FMN1: variants seen among roughly 807,000 people sequenced by gnomAD.
FMN1 encodes formin-1.
FMN1 carries 110 observed loss-of-function variants against 132.4 expected under a neutral mutation model. The ratio of observed to expected loss-of-function variants is 0.83; its 90% CI spans 0.71 to 0.97. FMN1 has a LOEUF of 0.97. Among genes scored for constraint, FMN1 ranks in the 50% least tolerant of loss-of-function variants. FMN1 has a pLI of 0.00. For synonymous variants in FMN1, 722 were observed against 651.7 expected, an observed-to-expected ratio of 1.11 and a Z score of -1.64; for missense variants, 1,792 against 1,705.3, an observed-to-expected ratio of 1.05 and a Z score of -0.90.
chr15:32,865,100 A>G (rs1805498426), intron 16 of FMN1, among the ~76,000 whole-genome samples: 1 of 152,146 alleles, frequency 6.6e-6, no homozygotes, highest in African/African-American at 2.4e-5. Flanking sequence ...GGACTAGGAG[A>G]GAAAGAGGGA....
At chr15:33,161,083 A>G (rs1339298774) in intron 3 of FMN1, among the ~76,000 whole-genome samples, 1 of 152,240 alleles carries the variant, frequency 6.6e-6, no homozygotes, top group Non-Finnish European at 1.5e-5. Context: ...TTAAAAGGCC[A>G]ATGCAAAGCT....
chr15:32,964,285 A>C (rs558984186), intron 8 of FMN1, 28 bp from the exon 9 acceptor site: 2 of 1,514,792 alleles, frequency 1.3e-6, no homozygotes, highest in Admixed American at 1.9e-5. Flanking sequence ...CAAGTTAACC[A>C]TAAGAACCAA....
intron 9 of FMN1, among the ~76,000 whole-genome samples, chr15:32,931,554 G>GT (rs968992963): frequency 3.3e-5 from 5 of 152,138 alleles, no homozygotes; most frequent in Admixed American, 1.3e-4. Flanking sequence ...TTGGAATCCT[G>GT]TAAGTTTGCT....
At chr15:33,053,349 G>A (rs1566870308) in intron 6 of FMN1, among the ~76,000 whole-genome samples, 1 of 152,204 alleles carries the variant, frequency 6.6e-6, no homozygotes, top group African/African-American at 2.4e-5. Context: ...AACATGCCTG[G>A]TCTGGCAATG....
At chr15:32,933,545 A>T (rs1159027284) in intron 9 of FMN1, among the ~76,000 whole-genome samples, 1 of 152,118 alleles carries the variant, frequency 6.6e-6, no homozygotes, top group African/African-American at 2.4e-5. Context: ...ATCTTGTTAC[A>T]TCATTTATCA....
chr15:32,908,634 ACT>A (rs1183044403), intron 11 of FMN1, 56 bp from the exon 12 acceptor site: 44 of 1,099,682 alleles, frequency 4.0e-5, no homozygotes, highest in Admixed American at 1.8e-4. Flanking sequence ...GGGAAGTGAG[ACT>A]CTGGCTATGG....
rs2140122151 is a variant in FMN1, at chr15:33,110,589, T to C, written c.1868-21615A>G. On this transcript the variant is annotated intron_variant, in intron 4 of 20. Coordinates refer to ENST00000616417, the MANE Select transcript of FMN1 (RefSeq NM_001277313.2). ...TTGAGAATAGCTATTCTGTCATGCA[T>C]CTCAAATAATATCAGTAAAACACGT... 1.3e-5 allele frequency among the ~76,000 whole-genome samples: 2 copies of C among 152,002 alleles called. 1 individual carries two copies. Among genetic ancestry groups the C allele is most frequent in the Non-Finnish European group, 2.9e-5 (2 of 67,952 alleles).
intron 6 of FMN1, among the ~76,000 whole-genome samples, chr15:33,019,561 C>CTCA: frequency 6.6e-6 from 1 of 152,302 alleles, no homozygotes; most frequent in African/African-American, 2.4e-5. Context: ...GCTCTGGCAG[C>CTCA]GCAGAAGCCC....
intron 5 of FMN1, chr15:33,068,045 C>T: frequency 7.0e-7 from 1 of 1,432,398 alleles, no homozygotes; most frequent in Non-Finnish European, 9.1e-7. Flanking sequence ...TCTTTCGGGT[C>T]ACAGTGCCCT....
chr15:32,940,006 G>A (rs1440012605), intron 9 of FMN1, among the ~76,000 whole-genome samples: 1 of 152,094 alleles, frequency 6.6e-6, no homozygotes, highest in Non-Finnish European at 1.5e-5. Context: ...CACTCCTTAA[G>A]CTTCTGTTTG....
At chr15:33,089,135 C>T (rs937374711) in intron 4 of FMN1, among the ~76,000 whole-genome samples, 161 bp from the exon 5 acceptor site, 1 of 152,176 alleles carries the variant, frequency 6.6e-6, no homozygotes, top group Non-Finnish European at 1.5e-5. Flanking sequence ...AAGTATTTCT[C>T]CCGACAATTT....
intron 3 of FMN1, among the ~76,000 whole-genome samples, chr15:33,169,227 T>C (rs1336982797): frequency 6.6e-6 from 1 of 152,286 alleles, no homozygotes; most frequent in East Asian, 1.9e-4. Flanking sequence ...AATATAAATA[T>C]ACATTTATGA....
Position 32,910,522 on chromosome 15 carries a change from C to T in FMN1, c.3240G>A (p.Val1080=), listed in dbSNP as rs1472083269. 5 of 1,573,874 alleles carry T rather than the reference C, an allele frequency of 3.2e-6. No homozygotes were observed. In the South Asian group the frequency reaches 5.9e-5, roughly 18 times the overall value. Residue 1080 remains valine (V), a synonymous_variant, in exon 11 of 21, where the codon GTG becomes GTA. Transcript: ENST00000616417. ...MKDIQQAIFN[V]DDSVVDLETL... The stretch of plus-strand genomic sequence containing the variant: ...TCTCCAGATCAACCACGGAGTCATC[C>T]ACATTGAAAATGGCTGCCAAGCACC...
intron 6 of FMN1, among the ~76,000 whole-genome samples, chr15:33,009,667 A>G (rs1351472960): frequency 6.6e-6 from 1 of 152,226 alleles, no homozygotes; most frequent in East Asian, 1.9e-4. Context: ...CATCTCCACA[A>G]TAACCCTATG....
chr15:33,066,471 C>G (rs1402590171), intron 5 of FMN1: 1 of 1,422,644 alleles, frequency 7.0e-7, no homozygotes, highest in African/African-American at 1.4e-5. Context: ...TACAGCAGCA[C>G]CATATTTTAT....
At chr15:33,035,004 T>C (rs1412769681) in intron 6 of FMN1, among the ~76,000 whole-genome samples, 1 of 152,206 alleles carries the variant, frequency 6.6e-6, no homozygotes, top group Non-Finnish European at 1.5e-5. Context: ...TGGATTCCTT[T>C]TGACAGATGG....
intron 4 of FMN1, among the ~76,000 whole-genome samples, chr15:33,116,258 T>A (rs751859610): frequency 6.6e-6 from 1 of 151,812 alleles, no homozygotes; most frequent in Non-Finnish European, 1.5e-5. Flanking sequence ...CTTTCCTTTA[T>A]ACCTGTTTAT....
chr15:32,806,943 G>A (rs2057702643), intron 17 of FMN1, among the ~76,000 whole-genome samples: 2 of 152,234 alleles, frequency 1.3e-5, no homozygotes, highest in South Asian at 4.2e-4. Context: ...CTACCTAACA[G>A]ACTATTCCTT....
At chr15:32,890,417 C>T (rs1188065435) in intron 15 of FMN1, among the ~76,000 whole-genome samples, 1 of 152,206 alleles carries the variant, frequency 6.6e-6, no homozygotes, top group Non-Finnish European at 1.5e-5. Flanking sequence ...CTGATCATGG[C>T]ATCCATGCCA....
Sources: allele counts gnomAD v4.1 joint callset (sites outside exome capture counted in the v4.1 genomes callset), GRCh38; gene constraint gnomAD v4.1.1; transcripts MANE v1.5; gene names NCBI Gene and HGNC (gene_info 2026-07-23, HGNC 2026-07-21).